Variants in PARD6G observed in about 807,000 individuals in gnomAD.
PARD6G encodes the protein partitioning defective 6 homolog gamma.
In PARD6G, 7 loss-of-function variants were observed where a neutral mutation model predicts 10.7. The ratio of observed to expected loss-of-function variants is 0.66; its 90% CI spans 0.37 to 1.23. PARD6G has a LOEUF of 1.23. Among genes scored for constraint, PARD6G ranks in the 50% most tolerant of loss-of-function variants. PARD6G has a pLI of 0.02. For synonymous variants in PARD6G, 287 were observed against 269.4 expected (o/e 1.07, Z -0.64); for missense variants, 548 against 571.8 (o/e 0.96, Z 0.42).
intron 1 of PARD6G, among the ~76,000 whole-genome samples, chr18:80,225,037 A>G (rs913806023): frequency 2.6e-5 from 4 of 152,120 alleles, no homozygotes; most frequent in Non-Finnish European, 4.4e-5. Context: ...TGCTGGTTTC[A>G]TCTTAAACTC....
chr18:80,213,459 TA>T (rs1967128641), intron 1 of PARD6G, among the ~76,000 whole-genome samples: 1 of 152,226 alleles, frequency 6.6e-6, no homozygotes, highest in Admixed American at 6.5e-5. Flanking sequence ...AGAGCCACTC[TA>T]CAAAGGCTGG....
chr18:80,196,115 T>A (rs1350665986), intron 2 of PARD6G, among the ~76,000 whole-genome samples: 1 of 152,188 alleles, frequency 6.6e-6, no homozygotes, highest in East Asian at 1.9e-4. Flanking sequence ...TAACAATTAA[T>A]AAGGACTTGG....
At chr18:80,164,698 TGAGCAA>T (rs762863136) in intron 2 of PARD6G, among the ~76,000 whole-genome samples, 5 of 152,306 alleles carry the variant, frequency 3.3e-5, no homozygotes, top group African/African-American at 1.2e-4. Flanking sequence ...GTCAGCCAGC[TGAGCAA>T]GAGAAAGAGT....
At chr18:80,191,962 G>A (rs905207788) in intron 2 of PARD6G, among the ~76,000 whole-genome samples, 5 of 152,210 alleles carry the variant, frequency 3.3e-5, no homozygotes, top group African/African-American at 7.2e-5. Context: ...ATTTCCTAAC[G>A]CTGACAAACC....
intron 1 of PARD6G, among the ~76,000 whole-genome samples, chr18:80,216,403 T>G (rs539681734): frequency 3.9e-5 from 6 of 152,200 alleles, no homozygotes; most frequent in African/African-American, 1.2e-4. Flanking sequence ...TTAAAAGGAC[T>G]GAAATCATAC....
chr18:80,182,258 C>T lies in PARD6G; in HGVS notation c.295+20452G>A, dbSNP rs950412378. Among the ~76,000 whole-genome samples the T allele has an allele frequency of 5.9e-5, 9 of 152,256 alleles. No homozygotes were observed. The highest frequency in any genetic ancestry group is 2.2e-4 in the African/African-American group (9 of 41,478). Reference sequence around the variant, plus strand: ...CTCTGAGGAACAGCAGCCACTTGCCCACTGGCCCCCAGCCCTCCCTGAAGG... The same window carrying T: ...CTCTGAGGAACAGCAGCCACTTGCCTACTGGCCCCCAGCCCTCCCTGAAGG... On this transcript the variant is annotated intron_variant, in intron 2 of 2. Transcript: ENST00000353265. The surrounding 1 kb of genome is among the most constrained non-coding windows in gnomAD (Gnocchi z 4.5).
chr18:80,232,029 T>C (rs1967363145), intron 1 of PARD6G, among the ~76,000 whole-genome samples: 1 of 152,208 alleles, frequency 6.6e-6, no homozygotes, highest in African/African-American at 2.4e-5. Context: ...CACTTGTCCC[T>C]TCACTGCTGG....
chr18:80,238,979 A>AT (rs1170355958), intron 1 of PARD6G, among the ~76,000 whole-genome samples: 25 of 152,228 alleles, frequency 1.6e-4, no homozygotes, highest in Middle Eastern at 3.4e-3. Flanking sequence ...AAACTTTTTA[A>AT]TCAGCGAAAG....
chr18:80,222,716 T>C (rs958920996), intron 1 of PARD6G, among the ~76,000 whole-genome samples: 1 of 152,108 alleles, frequency 6.6e-6, no homozygotes, highest in Admixed American at 6.5e-5. Flanking sequence ...CTCTGTCACC[T>C]AGGCTAGAGT....
intron 1 of PARD6G, among the ~76,000 whole-genome samples, chr18:80,244,509 C>T (rs951211902): frequency 6.6e-6 from 1 of 152,170 alleles, no homozygotes; most frequent in East Asian, 1.9e-4. Context: ...TCTGAGAGAA[C>T]CTAAGGCAGT....
intron 1 of PARD6G, among the ~76,000 whole-genome samples, chr18:80,206,212 C>T (rs1199124911): frequency 1.3e-5 from 2 of 152,158 alleles, no homozygotes; most frequent in African/African-American, 4.8e-5. Flanking sequence ...GCTGACTTTG[C>T]CAACCCAGCT....
At chr18:80,209,370 T>A (rs1967084910) in intron 1 of PARD6G, among the ~76,000 whole-genome samples, 1 of 152,238 alleles carries the variant, frequency 6.6e-6, no homozygotes, top group South Asian at 2.1e-4. Context: ...CATTCATTAT[T>A]TAGATAATGA....
In PARD6G at chr18:80,175,115, C is replaced by A. The variant is rs1164708270; in HGVS notation, c.296-14509G>T. ...ATTAAACAAAGCAGAAAGAAAATGC[C>A]CCATAATCCTTCTTCCTAACAGTCT... On this transcript the variant is annotated intron_variant, in intron 2 of 2. Transcript: ENST00000353265. The surrounding 1 kb of genome is among the most constrained non-coding windows in gnomAD (Gnocchi z 6.7). Among the ~76,000 whole-genome samples, 1 of 152,060 alleles carries A rather than the reference C, an allele frequency of 6.6e-6. No homozygotes were observed. The highest frequency in any genetic ancestry group is 1.5e-5 in the Non-Finnish European group (1 of 68,010).
rs1377621352 is a variant in PARD6G at position 80,161,297 on chromosome 18, T to C, written c.296-691A>G. On this transcript the variant is annotated intron_variant, in intron 2 of 2. Coordinates refer to ENST00000353265, the MANE Select transcript of PARD6G (RefSeq NM_032510.4). The surrounding 1 kb of genome is among the most constrained non-coding windows in gnomAD (Gnocchi z 4.6). ...CATGGAGCCTCAAGGCTCACCAATA[T>C]GCCCAGCCTCCCATGGGGGCTGTGC... 6.6e-6 allele frequency among the ~76,000 whole-genome samples: 1 copy of C among 152,130 alleles called. No individual in the cohort carries two copies. Among genetic ancestry groups the C allele is most frequent in the African/African-American group, 2.4e-5 (1 of 41,428 alleles).
At chr18:80,227,792 G>GAGAAGAGC (rs1362456336) in intron 1 of PARD6G, among the ~76,000 whole-genome samples, 1 of 152,026 alleles carries the variant, frequency 6.6e-6, no homozygotes, top group African/African-American at 2.4e-5. Flanking sequence ...ACCCCAGAAA[G>GAGAAGAGC]AGAAGAGCAT....
At chr18:80,223,173 T>C (rs1458806721) in intron 1 of PARD6G, among the ~76,000 whole-genome samples, 2 of 152,058 alleles carry the variant, frequency 1.3e-5, no homozygotes, top group Non-Finnish European at 2.9e-5. Context: ...ATTAGACAAA[T>C]ACATAGAATT....
chr18:80,199,582 C>T (rs984767219), intron 2 of PARD6G, among the ~76,000 whole-genome samples: 1 of 152,160 alleles, frequency 6.6e-6, no homozygotes, highest in African/African-American at 2.4e-5. Context: ...GAATGCTGTT[C>T]TGTAGTTTAT....
chr18:80,195,044 G>GTCT (rs1555736088), intron 2 of PARD6G, among the ~76,000 whole-genome samples: 1 of 152,128 alleles, frequency 6.6e-6, no homozygotes, highest in Non-Finnish European at 1.5e-5. Flanking sequence ...TCCCACCTTG[G>GTCT]ACGAATCACT....
chr18:80,163,223 G>A (rs1447289398), intron 2 of PARD6G, among the ~76,000 whole-genome samples: 4 of 152,202 alleles, frequency 2.6e-5, no homozygotes. Context: ...CTCAGGCCCT[G>A]TGCTCAGAGC....
Sources: gnomAD v4.1 joint callset for allele counts (sites outside exome capture counted in the v4.1 genomes callset) on GRCh38, gnomAD v4.1.1 for gene constraint, Gnocchi (gnomAD v3.1) non-coding constraint, MANE v1.5 for transcripts, NCBI Gene and HGNC (gene_info 2026-07-23, HGNC 2026-07-21) for gene names.